HIRA: variants seen among roughly 807,000 people sequenced by gnomAD.
HIRA encodes the protein protein HIRA.
Under a neutral mutation model 126.6 loss-of-function variants are expected in HIRA, and 13 were observed. The ratio of observed to expected loss-of-function variants is 0.10; its 90% CI spans 0.07 to 0.16. HIRA has a LOEUF of 0.16. HIRA is among the 10% of genes least tolerant of loss of function. HIRA has a pLI of 1.00. For missense variants in HIRA, 834 were observed against 1,314.4 expected (o/e 0.63, Z 5.65); for synonymous variants, 511 against 520.0 (o/e 0.98, Z 0.24).
chr22:19,353,581 C>A lies in HIRA; in HGVS notation c.2685-62G>T, dbSNP rs550712731. On this transcript the variant is annotated intron_variant, in intron 22 of 24. Coordinates refer to ENST00000263208, the MANE Select transcript of HIRA (RefSeq NM_003325.4). ...AGGCACTACACAGAGTCAGGAACTG[C>A]CCCCGTGTGCAACAGGCAAGGAGCT... 12 of 1,480,982 alleles carry A rather than the reference C, an allele frequency of 8.1e-6. No homozygotes were observed. The African/African-American group carries it at 1.5e-4, about 19-fold the overall frequency. 91.7% of individuals were successfully genotyped at this position (1,480,982 alleles called of 1,614,324 possible).
intron 5 of HIRA, among the ~76,000 whole-genome samples, chr22:19,403,425 C>T (rs1454103790): frequency 6.6e-6 from 1 of 152,032 alleles, no homozygotes; most frequent in Non-Finnish European, 1.5e-5. Flanking sequence ...CTGGCTAACA[C>T]AGTGAAACCC....
At chr22:19,383,855 T>C in intron 12 of HIRA, 150 bp from the exon 13 acceptor site, 1 of 628,936 alleles carries the variant, frequency 1.6e-6, no homozygotes, top group African/African-American at 1.8e-5. Context: ...CAATATCATA[T>C]TGTGAACTGT....
chr22:19,406,256 C>T (rs9306219), intron 4 of HIRA, among the ~76,000 whole-genome samples: 12,677 of 152,158 alleles, frequency 0.083, 1,770 homozygotes, highest in African/African-American at 0.29. Flanking sequence ...TTAACTGTAG[C>T]TTTCTTTAGG....
intron 5 of HIRA, among the ~76,000 whole-genome samples, chr22:19,399,953 A>G (rs2089254280): frequency 6.6e-6 from 1 of 152,206 alleles, no homozygotes; most frequent in South Asian, 2.1e-4. Context: ...AACTTTCTCT[A>G]GTAACTGAGA....
intron 24 of HIRA, among the ~76,000 whole-genome samples, chr22:19,348,742 C>CG (rs2088719020): frequency 1.3e-5 from 2 of 151,998 alleles, no homozygotes; most frequent in Non-Finnish European, 2.9e-5. Context: ...TGATCCGACC[C>CG]CCTTGGCCTC....
chr22:19,415,559 T>C (rs2089389274), intron 1 of HIRA, among the ~76,000 whole-genome samples: 2 of 152,002 alleles, frequency 1.3e-5, no homozygotes, highest in African/African-American at 2.4e-5. Flanking sequence ...GAGGCTGAGG[T>C]GGGTGGATCA....
chr22:19,409,562 C>T (rs1230474686), intron 2 of HIRA, among the ~76,000 whole-genome samples: 6 of 152,190 alleles, frequency 3.9e-5, no homozygotes, highest in African/African-American at 7.2e-5. Flanking sequence ...AAATCACAGG[C>T]GTGAGCCACC....
At chr22:19,356,169 G>T in intron 20 of HIRA, 61 bp downstream of exon 20, 1 of 1,481,144 alleles carries the variant, frequency 6.8e-7, no homozygotes, top group Non-Finnish European at 9.4e-7. Flanking sequence ...GGGCCCTTCT[G>T]CAGCATCAGA....
chr22:19,334,918 T>C (rs1389039227), intron 24 of HIRA, among the ~76,000 whole-genome samples: 2 of 152,056 alleles, frequency 1.3e-5, no homozygotes, highest in South Asian at 2.1e-4. Context: ...TGTATTATTT[T>C]CTATCATTCA....
At chr22:19,396,691 G>A (rs2089227208) in intron 7 of HIRA, 96 bp downstream of exon 7, 3 of 1,294,090 alleles carry the variant, frequency 2.3e-6, no homozygotes, top group Middle Eastern at 2.7e-4. Flanking sequence ...TTCCCCAGGT[G>A]GCCTGGCCCA....
At chr22:19,372,427 T>C (rs2088974844) in intron 15 of HIRA, among the ~76,000 whole-genome samples, 1 of 152,246 alleles carries the variant, frequency 6.6e-6, no homozygotes, top group African/African-American at 2.4e-5. Context: ...AGCTGTGTTA[T>C]TCGTCTTTTT....
intron 24 of HIRA, among the ~76,000 whole-genome samples, chr22:19,342,836 G>A (rs933004174): frequency 6.6e-6 from 1 of 152,136 alleles, no homozygotes; most frequent in Non-Finnish European, 1.5e-5. Flanking sequence ...GCAAAAATAC[G>A]GAACCAGTCT....
chr22:19,417,924 G>GGAAAGTAGT (rs2089412772), intron 1 of HIRA, among the ~76,000 whole-genome samples: 1 of 152,172 alleles, frequency 6.6e-6, no homozygotes, highest in Non-Finnish European at 1.5e-5. Flanking sequence ...GCCTTAAAAA[G>GGAAAGTAGT]GAAAGTAGTT....
chr22:19,429,969 C>T (rs1182449333), intron 1 of HIRA: 2 of 152,184 alleles, frequency 1.3e-5, no homozygotes, highest in Non-Finnish European at 2.9e-5. Context: ...CTGCACAGTA[C>T]ACATCAGGAA....
intron 7 of HIRA, among the ~76,000 whole-genome samples, chr22:19,396,313 C>T (rs565142737): frequency 6.6e-6 from 1 of 152,224 alleles, no homozygotes; most frequent in Admixed American, 6.5e-5. Context: ...GTCAGGAGTT[C>T]GAGACCAGCC....
intron 24 of HIRA, among the ~76,000 whole-genome samples, chr22:19,347,123 G>A (rs1187977215): frequency 6.6e-6 from 1 of 152,184 alleles, no homozygotes; most frequent in African/African-American, 2.4e-5. Flanking sequence ...CACTGGGCAG[G>A]TTTCTGCCTG....
At chr22:19,405,912 TG>T in intron 4 of HIRA, 32 bp from the exon 5 acceptor site, 1 of 1,392,630 alleles carries the variant, frequency 7.2e-7, no homozygotes, top group Non-Finnish European at 9.6e-7. Context: ...AAGGCACTCA[TG>T]GAGTGCTCTG....
chr22:19,378,355 T>G (rs2089038834), intron 13 of HIRA, among the ~76,000 whole-genome samples: 1 of 152,222 alleles, frequency 6.6e-6, no homozygotes, highest in Admixed American at 6.5e-5. Flanking sequence ...TGTTAAACTG[T>G]GCAAACACAT....
In HIRA at chr22:19,407,262, C is replaced by G. The variant is rs1345797638; in HGVS notation, c.224G>C (p.Cys75Ser). 2 of 1,613,602 alleles carry G rather than the reference C, an allele frequency of 1.2e-6. No homozygotes were observed. Among genetic ancestry groups the G allele is most frequent in the Non-Finnish European group, 1.7e-6 (2 of 1,179,658 alleles). Reference protein sequence around the residue: ...QMDNHLACVNCVRWSNSGMYL... With the variant: ...QMDNHLACVNSVRWSNSGMYL... ...CATCCCACTGTTTGACCACCGCACA[C>G]AGTTCACACATGCTGGGAAGAAAAA... Residue 75 changes from cysteine to serine, a missense_variant, in exon 4 of 25, where the codon TGT becomes TCT. Coordinates refer to ENST00000263208, the MANE Select transcript of HIRA (RefSeq NM_003325.4).
Sources: allele counts gnomAD v4.1 joint callset (sites outside exome capture counted in the v4.1 genomes callset), GRCh38; gene constraint gnomAD v4.1.1; transcripts MANE v1.5; gene names NCBI Gene and HGNC (gene_info 2026-07-23, HGNC 2026-07-21).